CC2D2A: variants seen among roughly 807,000 people sequenced by gnomAD.
CC2D2A encodes coiled-coil and C2 domain-containing protein 2A.
In CC2D2A, 155 loss-of-function variants were observed where a neutral mutation model predicts 212.9. The ratio of observed to expected loss-of-function variants is 0.73; its 90% CI spans 0.64 to 0.83. The LOEUF (loss-of-function observed/expected upper bound fraction) is 0.83. Among genes scored for constraint, CC2D2A ranks in the 40% least tolerant of loss-of-function variants. The pLI is 0.00. For missense variants in CC2D2A, 1,856 were observed against 1,956.2 expected, an observed-to-expected ratio of 0.95 and a Z score of 0.97; for synonymous variants, 667 against 686.5, an observed-to-expected ratio of 0.97 and a Z score of 0.44.
rs397992357 is a variant in CC2D2A at position 15,516,944 on chromosome 4, C to CT, written c.1149+211dup. 0.011 allele frequency among the ~76,000 whole-genome samples: 1,027 copies of CT among 95,744 alleles called. 33 individuals are homozygous for CT. Among genetic ancestry groups the CT allele is most frequent in the African/African-American group, 0.027 (656 of 24,558 alleles). 62.8% of individuals were successfully genotyped at this position (95,744 alleles called of 152,430 possible). ...TCTAATTATACTCAATGCATCCCTT[C>CT]TTTTTTTTTTTTTTTTTTTTTTTGA... On this transcript the variant is annotated intron_variant, in intron 11 of 36. Transcript: ENST00000424120.
At chr4:15,517,748 A>G (rs886440975) in intron 11 of CC2D2A, among the ~76,000 whole-genome samples, 1 of 152,204 alleles carries the variant, frequency 6.6e-6, no homozygotes, top group Non-Finnish European at 1.5e-5. Flanking sequence ...CGCTGCTGAT[A>G]AAGGCATACC....
rs769339676 is a variant in CC2D2A, at chr4:15,570,413, G to A, written c.3511G>A (p.Gly1171Arg). The change falls in exon 28 of 37, where the codon GGA (glycine) becomes AGA (arginine). Residue 1171 changes from glycine (G) to arginine (R), a missense_variant. Coordinates refer to ENST00000424120, the MANE Select transcript of CC2D2A (RefSeq NM_001378615.1). ...HDVLEDDRER[G>R]SGIHTRIERH... is the part of the protein sequence containing the mutation. ...CTTCCTTTAGGATGACCGTGAAAGAGGAAGTGGAATCCATACTCGTATTGA... is the reference window on the plus strand; with the variant it reads ...CTTCCTTTAGGATGACCGTGAAAGAAGAAGTGGAATCCATACTCGTATTGA... The A allele has an allele frequency of 1.9e-6, 3 of 1,600,820 alleles. No individual in the cohort carries two copies. Among genetic ancestry groups the A allele is most frequent in the South Asian group, 1.1e-5 (1 of 89,128 alleles).
chr4:15,548,799 CA>C (rs1230914449), intron 17 of CC2D2A, among the ~76,000 whole-genome samples: 1 of 152,046 alleles, frequency 6.6e-6, no homozygotes, highest in Non-Finnish European at 1.5e-5. Context: ...CTTGTCCCAT[CA>C]GAGTTGTGAA....
Position 15,485,341 on chromosome 4 carries a change from T to C in CC2D2A, c.247+4514T>C, listed in dbSNP as rs1238217353. 3.3e-5 allele frequency among the ~76,000 whole-genome samples: 5 copies of C among 152,352 alleles called. No homozygotes were observed. In the East Asian group the frequency reaches 7.7e-4, roughly 23 times the overall value. On this transcript the variant is annotated intron_variant, in intron 4 of 36. Coordinates refer to ENST00000424120, the MANE Select transcript of CC2D2A (RefSeq NM_001378615.1). ...TTTTTATGGCTGAATAATATTCCAT[T>C]GTGTATATGCAGCATGCTTTCTTTA...
Position 15,553,048 on chromosome 4 carries a change from A to T in CC2D2A, c.2339-110A>T, listed in dbSNP as rs1025736310. 12 of 918,360 alleles carry T rather than the reference A, an allele frequency of 1.3e-5. No homozygotes were observed. The South Asian group carries it at 2.3e-4, about 18-fold the overall frequency. The allele number at this position is 918,360 out of a possible 1,614,324, so 56.9% of individuals were successfully genotyped here. ...GGCTTGAATCATGTGCTCCATCTTC[A>T]TCACCCCCACCCACTCCAAGTTCCA... is the stretch of plus-strand genomic sequence containing the variant. On this transcript the variant is annotated intron_variant, in intron 18 of 36. Coordinates refer to ENST00000424120, the MANE Select transcript of CC2D2A (RefSeq NM_001378615.1).
chr4:15,488,391 C>A (rs1420623543), intron 4 of CC2D2A, among the ~76,000 whole-genome samples: 1 of 152,128 alleles, frequency 6.6e-6, no homozygotes, highest in African/African-American at 2.4e-5. Flanking sequence ...AATATATCAT[C>A]CCATTCCTTC....
At chr4:15,499,912 G>C (rs1715826493) in intron 4 of CC2D2A, among the ~76,000 whole-genome samples, 1 of 143,670 alleles carries the variant, frequency 7.0e-6, no homozygotes, top group African/African-American at 2.8e-5. Flanking sequence ...TGCGTGGCTG[G>C]GGACCTTAGA....
chr4:15,546,377 G>T (rs1255323664), intron 17 of CC2D2A, among the ~76,000 whole-genome samples: 1 of 152,118 alleles, frequency 6.6e-6, no homozygotes, highest in Non-Finnish European at 1.5e-5. Context: ...TAATATTGCT[G>T]GGTGCCTTTT....
intron 4 of CC2D2A, chr4:15,481,145 G>T: frequency 2.1e-6 from 1 of 465,340 alleles, no homozygotes; most frequent in Non-Finnish European, 4.3e-6. Flanking sequence ...CTCATGAATT[G>T]GTTGGTGTTG....
intron 4 of CC2D2A, 122 bp downstream of exon 4, chr4:15,480,949 A>C (rs762565001): frequency 8.4e-7 from 1 of 1,192,872 alleles, no homozygotes; most frequent in Non-Finnish European, 1.2e-6. Flanking sequence ...TGCTCCACCC[A>C]CTTTACCCCA....
intron 17 of CC2D2A, among the ~76,000 whole-genome samples, chr4:15,546,964 G>A (rs111263323): frequency 9.2e-5 from 14 of 152,034 alleles, no homozygotes; most frequent in Admixed American, 2.0e-4. Context: ...ATGTTATCTC[G>A]TGTTATCCCG....
Position 15,510,767 on chromosome 4 carries a change from A to AAG in CC2D2A, c.541-478_541-477dup, listed in dbSNP as rs534356544. Among the ~76,000 whole-genome samples, 881 of 152,146 alleles carry AAG rather than the reference A, an allele frequency of 5.8e-3. 5 individuals are homozygous for AAG. The highest frequency in any genetic ancestry group is 0.02 in the African/African-American group (848 of 41,468). Reference sequence around the variant, plus strand: ...TGGAAAGACAGGAAATGTTGGTGATAAGACAGTTTGTTCAGCTCTGAAGTT... The same window carrying AAG: ...TGGAAAGACAGGAAATGTTGGTGATAAGAGACAGTTTGTTCAGCTCTGAAGTT... On this transcript the variant is annotated intron_variant, in intron 7 of 36. Coordinates refer to ENST00000424120, the MANE Select transcript of CC2D2A (RefSeq NM_001378615.1).
intron 23 of CC2D2A, among the ~76,000 whole-genome samples, chr4:15,562,026 A>G (rs1224280509): frequency 2.0e-5 from 3 of 152,254 alleles, no homozygotes; most frequent in African/African-American, 7.2e-5. Context: ...TAAGGCACCC[A>G]GCACTCTTCT....
chr4:15,599,582 C>G lies in CC2D2A; in HGVS notation c.4550C>G (p.Thr1517Ser), dbSNP rs780673487. The change falls in exon 36 of 37, where the codon ACT becomes AGT. Residue 1517 changes from threonine (T) to serine (S), a missense_variant. By Grantham distance (58) the Thr-to-Ser change is moderately conservative. This residue lies in a region of CC2D2A where 285 missense variants were observed against 278.4 expected (regional missense o/e 1.02). Transcript: ENST00000424120. ...ATGGACTGGAGGCCACGCCATCTGACTCGGTGGAATAGGTATTGTACCTCT... is the reference window on the plus strand; with the variant it reads ...ATGGACTGGAGGCCACGCCATCTGAGTCGGTGGAATAGGTATTGTACCTCT... Reference protein sequence around the residue: ...KIMDWRPRHLTRWNRYCTSTL... With the variant: ...KIMDWRPRHLSRWNRYCTSTL... 19 of 1,607,982 alleles carry G rather than the reference C, an allele frequency of 1.2e-5. No homozygotes were observed. The highest frequency in any genetic ancestry group is 1.6e-5 in the Non-Finnish European group (19 of 1,175,874).
intron 1 of CC2D2A, among the ~76,000 whole-genome samples, chr4:15,475,442 A>C (rs1294976367): frequency 6.6e-6 from 1 of 152,094 alleles, no homozygotes; most frequent in Non-Finnish European, 1.5e-5. Context: ...GGCCTAGTGC[A>C]CTGTTCAAGG....
At chr4:15,573,353 C>T (rs1434756928) in intron 28 of CC2D2A, among the ~76,000 whole-genome samples, 1 of 151,334 alleles carries the variant, frequency 6.6e-6, no homozygotes, top group Non-Finnish European at 1.5e-5. Flanking sequence ...TGCAGTGGCG[C>T]CATCTCGGCT....
At chr4:15,597,221 A>G (rs1330841856) in intron 34 of CC2D2A, among the ~76,000 whole-genome samples, 186 bp from the exon 35 acceptor site, 1 of 152,214 alleles carries the variant, frequency 6.6e-6, no homozygotes, top group Non-Finnish European at 1.5e-5. Context: ...GAGAAGAAAA[A>G]TGAAATTGGG....
chr4:15,537,184 G>T, intron 15 of CC2D2A, 108 bp downstream of exon 15: 1 of 909,896 alleles, frequency 1.1e-6, no homozygotes. Context: ...AGGGTATCCT[G>T]TGGCTCCCTC....
At chr4:15,551,703 T>C (rs1400618884) in intron 18 of CC2D2A, among the ~76,000 whole-genome samples, 3 of 152,168 alleles carry the variant, frequency 2.0e-5, no homozygotes, top group Non-Finnish European at 4.4e-5. Flanking sequence ...CTTTTATACA[T>C]TCATTCATTC....
Sources: allele counts gnomAD v4.1 joint callset (sites outside exome capture counted in the v4.1 genomes callset), GRCh38; gene constraint gnomAD v4.1.1; regional missense constraint gnomAD v4.1.1; transcripts MANE v1.5; gene names NCBI Gene and HGNC (gene_info 2026-07-23, HGNC 2026-07-21).